The following LRRC8D variants were observed in gnomAD, a reference collection of about 807,000 sequenced individuals.
The protein encoded by LRRC8D is volume-regulated anion channel subunit LRRC8D.
A neutral mutation model predicts 55.8 loss-of-function variants in LRRC8D; 20 were observed. That is an observed-to-expected ratio of 0.36 (90% CI 0.25 to 0.52). The LOEUF (loss-of-function observed/expected upper bound fraction) is 0.52. LRRC8D is among the 20% of genes least tolerant of loss of function. The probability of loss-of-function intolerance (pLI) is 0.93; values close to 1 mark genes in which losing one functional copy is unlikely to be tolerated. For synonymous variants in LRRC8D, 352 were observed against 377.0 expected (o/e 0.93, Z 0.77); for missense variants, 651 against 1,030.8 (o/e 0.63, Z 5.05).
chr1:89,887,656 C>T (rs1488715710), intron 2 of LRRC8D, among the ~76,000 whole-genome samples: 2 of 151,332 alleles, frequency 1.3e-5, no homozygotes, highest in African/African-American at 2.4e-5. Flanking sequence ...GTAATCTAAC[C>T]TTTTTTTTTG....
At chr1:89,843,069 A>G (rs762656464) in intron 1 of LRRC8D, 1 of 152,224 alleles carries the variant, frequency 6.6e-6, no homozygotes, top group Admixed American at 6.5e-5. Flanking sequence ...AGCGAGGCAC[A>G]AGACAAGTAA....
At position 89,868,899 on chromosome 1, in the gene LRRC8D, T is replaced by TTTTTG. The variant is rs371916598; in HGVS notation, c.-3+25137_-3+25141dup. Reference sequence around the variant, plus strand: ...TGACACTGTATTTTTTGTTGTTGTTTTTTTGTTTTGTTTTGTTTTGTTTTT... The same window carrying TTTTTG: ...TGACACTGTATTTTTTGTTGTTGTTTTTTTGTTTTGTTTTGTTTTGTTTTGTTTTT... On this transcript the variant is annotated intron_variant, in intron 2 of 2. Transcript: ENST00000337338. Among the ~76,000 whole-genome samples, 756 of 152,206 alleles carry TTTTTG rather than the reference T, an allele frequency of 5.0e-3. 4 individuals carry two copies. The highest frequency in any genetic ancestry group is 0.011 in the South Asian group (52 of 4,810).
chr1:89,871,785 A>G (rs1662012452), intron 2 of LRRC8D, among the ~76,000 whole-genome samples: 1 of 152,242 alleles, frequency 6.6e-6, no homozygotes, highest in Admixed American at 6.5e-5. Context: ...CATATGGTGA[A>G]TGGATTTATT....
At chr1:89,923,449 C>A (rs746638924) in intron 2 of LRRC8D, among the ~76,000 whole-genome samples, 10 of 152,186 alleles carry the variant, frequency 6.6e-5, no homozygotes, top group Non-Finnish European at 1.5e-4. Flanking sequence ...CTGATCCCTT[C>A]TCTCATTGGC....
chr1:89,916,544 C>T (rs541037515), intron 2 of LRRC8D, among the ~76,000 whole-genome samples: 5 of 152,186 alleles, frequency 3.3e-5, no homozygotes, highest in African/African-American at 1.2e-4. Context: ...ACTGCAATAG[C>T]GATTATATTG....
At chr1:89,836,472 A>G in intron 1 of LRRC8D, among the ~76,000 whole-genome samples, 1 of 152,156 alleles carries the variant, frequency 6.6e-6, no homozygotes, top group Non-Finnish European at 1.5e-5. Context: ...CAGATTATAC[A>G]TACGCCACTG....
intron 2 of LRRC8D, among the ~76,000 whole-genome samples, chr1:89,907,990 C>T (rs1250248056): frequency 6.6e-6 from 1 of 152,148 alleles, no homozygotes; most frequent in Non-Finnish European, 1.5e-5. Flanking sequence ...ACTTACCACT[C>T]GTATGTTGCC....
intron 1 of LRRC8D, among the ~76,000 whole-genome samples, chr1:89,842,771 G>A (rs1377541829): frequency 6.6e-6 from 1 of 152,180 alleles, no homozygotes; most frequent in Non-Finnish European, 1.5e-5. Context: ...TTAAGTCAGA[G>A]TTCAACAAAA....
chr1:89,873,154 G>C (rs933999140), intron 2 of LRRC8D, among the ~76,000 whole-genome samples: 1 of 151,948 alleles, frequency 6.6e-6, no homozygotes, highest in African/African-American at 2.4e-5. Context: ...AGAGATCCAG[G>C]GAACATCAAG....
intron 2 of LRRC8D, among the ~76,000 whole-genome samples, chr1:89,925,813 T>C (rs1397658563): frequency 6.6e-6 from 1 of 152,250 alleles, no homozygotes; most frequent in African/African-American, 2.4e-5. Flanking sequence ...GTATAACAGA[T>C]GCATTAATTC....
At chr1:89,864,503 CTA>C (rs1661795553) in intron 2 of LRRC8D, among the ~76,000 whole-genome samples, 2 of 152,194 alleles carry the variant, frequency 1.3e-5, no homozygotes, top group Non-Finnish European at 1.5e-5. Context: ...CCTCTCAATT[CTA>C]TCTTAAATTT....
At chr1:89,887,581 C>T (rs1354746347) in intron 2 of LRRC8D, among the ~76,000 whole-genome samples, 1 of 152,222 alleles carries the variant, frequency 6.6e-6, no homozygotes, top group Non-Finnish European at 1.5e-5. Context: ...GATGCAGTAA[C>T]TAAACTAGTT....
At chr1:89,837,927 T>C (rs1011118239) in intron 1 of LRRC8D, among the ~76,000 whole-genome samples, 11 of 152,270 alleles carry the variant, frequency 7.2e-5, no homozygotes, top group African/African-American at 2.6e-4. Context: ...ATTCAAGATA[T>C]GATGTGTGTG....
chr1:89,934,220 C>G lies in LRRC8D; in HGVS notation c.1152C>G (p.Leu384=), dbSNP rs778806060. ...ATGGCTTTATCTGCCTCTACACTCT[C>G]TTCTGGTTATTCAGGATACCTTTGA... ...CVYGFICLYT[L]FWLFRIPLKE... Residue 384 remains leucine, a synonymous_variant, in exon 3 of 3, where the codon CTC becomes CTG. Coordinates refer to ENST00000337338, the MANE Select transcript of LRRC8D (RefSeq NM_001134479.2). The surrounding 1 kb of genome is among the most constrained non-coding windows in gnomAD (Gnocchi z 5.9). 2.5e-6 allele frequency: 4 copies of G among 1,613,996 alleles called. No homozygotes were observed. In the South Asian group the frequency reaches 4.4e-5, roughly 18 times the overall value.
chr1:89,930,157 T>A (rs1450996967), intron 2 of LRRC8D, among the ~76,000 whole-genome samples: 1 of 152,190 alleles, frequency 6.6e-6, no homozygotes, highest in African/African-American at 2.4e-5. Context: ...CTGCCCTACT[T>A]GATCTGTAAT....
chr1:89,837,026 T>C (rs977994141), intron 1 of LRRC8D, among the ~76,000 whole-genome samples: 4 of 152,200 alleles, frequency 2.6e-5, no homozygotes, highest in Non-Finnish European at 4.4e-5. Context: ...TGGAACAACA[T>C]AAGTTTTGGT....
chr1:89,884,427 A>G (rs1662363373), intron 2 of LRRC8D, among the ~76,000 whole-genome samples: 1 of 152,260 alleles, frequency 6.6e-6, no homozygotes, highest in Non-Finnish European at 1.5e-5. Context: ...TCCAGATATC[A>G]GAAGTCATAT....
chr1:89,864,331 C>T (rs1181336303), intron 2 of LRRC8D, among the ~76,000 whole-genome samples: 1 of 152,010 alleles, frequency 6.6e-6, no homozygotes, highest in Non-Finnish European at 1.5e-5. Context: ...CTTTTTCAAA[C>T]TTGTACAAAG....
chr1:89,894,115 A>AC, intron 2 of LRRC8D, among the ~76,000 whole-genome samples: 1 of 152,238 alleles, frequency 6.6e-6, no homozygotes, highest in Non-Finnish European at 1.5e-5. Context: ...TATAAAAGGG[A>AC]CCCCAGAGAG....
Sources: gnomAD v4.1 joint callset for allele counts (sites outside exome capture counted in the v4.1 genomes callset) on GRCh38, gnomAD v4.1.1 for gene constraint, Gnocchi (gnomAD v3.1) non-coding constraint, MANE v1.5 for transcripts, NCBI Gene and HGNC (gene_info 2026-07-23, HGNC 2026-07-21) for gene names.